Variants in ARSB observed in about 807,000 individuals in gnomAD.
ARSB encodes N-acetylgalactosamine-4-sulfatase.
A neutral mutation model predicts 50.9 loss-of-function variants in ARSB; 41 were observed. The ratio of observed to expected loss-of-function variants is 0.81; its 90% confidence interval spans 0.63 to 1.04. The LOEUF (loss-of-function observed/expected upper bound fraction) is 1.04. Among genes scored for constraint, ARSB ranks in the 50% least tolerant of loss-of-function variants. The pLI, the probability that ARSB is intolerant of heterozygous loss-of-function variation, is 0.00. For missense variants in ARSB, 672 were observed against 693.3 expected (o/e 0.97, Z 0.35); for synonymous variants, 269 against 284.8 (o/e 0.94, Z 0.56).
chr5:78,895,351 A>G (rs974028260), intron 4 of ARSB, among the ~76,000 whole-genome samples: 5 of 152,232 alleles, frequency 3.3e-5, no homozygotes, highest in African/African-American at 1.2e-4. Flanking sequence ...ACTGACGTAT[A>G]TTGAAGACAC....
intron 6 of ARSB, among the ~76,000 whole-genome samples, chr5:78,790,372 A>G (rs769214704): frequency 1.3e-5 from 2 of 152,198 alleles, no homozygotes; most frequent in Non-Finnish European, 2.9e-5. Context: ...CGATACATTA[A>G]AAATGTCTAG....
rs565635570 is a variant in ARSB at position 78,906,589 on chromosome 5, C to T, written c.899-20762G>A. Among the ~76,000 whole-genome samples, 10 of 152,236 alleles carry T rather than the reference C, an allele frequency of 6.6e-5. No individual in the cohort carries two copies. The South Asian group carries it at 1.9e-3, about 28-fold the overall frequency. ...GACTTTATTCCCCATTCTCCATTCA[C>T]CTGATTTTGTTTTCTTCTCTGTCCC... On this transcript the variant is annotated intron_variant, in intron 4 of 7. Coordinates refer to ENST00000264914, the MANE Select transcript of ARSB (RefSeq NM_000046.5).
intron 5 of ARSB, among the ~76,000 whole-genome samples, chr5:78,865,208 G>A (rs915960828): frequency 2.0e-5 from 3 of 152,176 alleles, no homozygotes; most frequent in African/African-American, 7.2e-5. Flanking sequence ...ACTCTTGCCT[G>A]GGCATCCAGG....
intron 4 of ARSB, among the ~76,000 whole-genome samples, chr5:78,935,210 G>C (rs1041425207): frequency 6.6e-6 from 1 of 152,142 alleles, no homozygotes; most frequent in African/African-American, 2.4e-5. Flanking sequence ...GAAAGTATCA[G>C]AGGAAATAAT....
intron 4 of ARSB, among the ~76,000 whole-genome samples, chr5:78,948,415 T>C (rs987925514): frequency 3.3e-5 from 5 of 152,130 alleles, no homozygotes; most frequent in Admixed American, 6.6e-5. Context: ...TCCATAAATA[T>C]ATATTTATAC....
Position 78,780,161 on chromosome 5 carries a change from G to A in ARSB, c.*236C>T. On this transcript the variant is annotated 3_prime_UTR_variant, in exon 8 of 8. Coordinates refer to ENST00000264914, the MANE Select transcript of ARSB (RefSeq NM_000046.5). The stretch of plus-strand genomic sequence containing the variant: ...CAGCTGTCCCAAGGCTTAGGAAAGG[G>A]GGATAAACCCAGCCACCCCCACCTC... 1 of 544,632 alleles carries A rather than the reference G, an allele frequency of 1.8e-6. No individual in the cohort carries two copies. The highest frequency in any genetic ancestry group is 3.3e-6 in the Non-Finnish European group (1 of 304,964). 33.7% of individuals were successfully genotyped at this position (544,632 alleles called of 1,614,324 possible). A position where few individuals can be genotyped will look rare whatever the true frequency, so the allele number is the denominator to read the frequency against.
At chr5:78,851,451 A>G (rs1395713380) in intron 5 of ARSB, among the ~76,000 whole-genome samples, 1 of 152,138 alleles carries the variant, frequency 6.6e-6, no homozygotes. Context: ...CTGTTCTATT[A>G]CATTTGCTGA....
At chr5:78,876,854 AG>A (rs1747504730) in intron 5 of ARSB, among the ~76,000 whole-genome samples, 1 of 152,212 alleles carries the variant, frequency 6.6e-6, no homozygotes, top group Non-Finnish European at 1.5e-5. Context: ...GCCTTCTGTC[AG>A]ATTAGTGGCA....
intron 4 of ARSB, among the ~76,000 whole-genome samples, chr5:78,945,130 C>T (rs1227421375): frequency 2.6e-5 from 4 of 152,180 alleles, no homozygotes; most frequent in Admixed American, 6.5e-5. Context: ...ATTGGAAAAG[C>T]GCAGTATTAG....
chr5:78,984,091 C>T (rs1753035897), intron 1 of ARSB, among the ~76,000 whole-genome samples: 1 of 152,144 alleles, frequency 6.6e-6, no homozygotes, highest in Admixed American at 6.5e-5. Context: ...AAAAGCACAA[C>T]GGACACTGCC....
chr5:78,885,207 A>G, intron 5 of ARSB: 1 of 298,802 alleles, frequency 3.3e-6, no homozygotes, highest in Non-Finnish European at 6.1e-6. Context: ...CCTAGTTCCT[A>G]TTCCAGCTTT....
At chr5:78,801,624 C>T (rs1743396190) in intron 6 of ARSB, among the ~76,000 whole-genome samples, 1 of 152,184 alleles carries the variant, frequency 6.6e-6, no homozygotes, top group Admixed American at 6.5e-5. Context: ...GTCATCTGCC[C>T]TGTCTCCTTC....
At chr5:78,780,950 G>A (rs1409143907) in intron 7 of ARSB, among the ~76,000 whole-genome samples, 4 of 152,184 alleles carry the variant, frequency 2.6e-5, no homozygotes, top group Admixed American at 6.5e-5. Flanking sequence ...TAGTGGGCAT[G>A]AGCTAGTGAT....
chr5:78,867,287 CG>C (rs1272889686), intron 5 of ARSB, among the ~76,000 whole-genome samples: 2 of 151,972 alleles, frequency 1.3e-5, no homozygotes, highest in East Asian at 1.9e-4. Context: ...ACAAAGCAGC[CG>C]GGAAGCTCGA....
intron 4 of ARSB, among the ~76,000 whole-genome samples, chr5:78,941,022 A>G (rs948624669): frequency 6.6e-6 from 1 of 150,598 alleles, no homozygotes; most frequent in Non-Finnish European, 1.5e-5. Flanking sequence ...TTGGATTCCT[A>G]GGTATTTTAT....
At chr5:78,979,886 G>T (rs755186585) in intron 1 of ARSB, among the ~76,000 whole-genome samples, 1 of 152,112 alleles carries the variant, frequency 6.6e-6, no homozygotes, top group African/African-American at 2.4e-5. Flanking sequence ...GCCAAAAAGC[G>T]CAAACAACCT....
In ARSB at chr5:78,969,203, T is replaced by C. The variant is rs1752342360; in HGVS notation, c.313-11A>G. The C allele has an allele frequency of 2.0e-5, 33 of 1,613,816 alleles. No homozygotes were observed. The highest frequency in any genetic ancestry group is 2.8e-5 in the Non-Finnish European group (33 of 1,179,756). ...TAAACCTGTACGGATCTTACAGAGA[T>C]AAACATAAAATTATAGATTAATGAC... On this transcript the variant is annotated splice_polypyrimidine_tract_variant and intron_variant, in intron 1 of 7. Coordinates refer to ENST00000264914, the MANE Select transcript of ARSB (RefSeq NM_000046.5).
chr5:78,953,483 G>A (rs1236591902), intron 4 of ARSB, among the ~76,000 whole-genome samples: 3 of 152,210 alleles, frequency 2.0e-5, no homozygotes, highest in Admixed American at 6.5e-5. Flanking sequence ...TTAGAACTGC[G>A]TCCCACACAT....
At chr5:78,903,970 T>C (rs60017661) in intron 4 of ARSB, among the ~76,000 whole-genome samples, 5,704 of 152,282 alleles carry the variant, frequency 0.037, 352 homozygotes, top group African/African-American at 0.13. Context: ...CACTGTGATA[T>C]AACTCCTTTG....
Sources: allele counts gnomAD v4.1 joint callset (sites outside exome capture counted in the v4.1 genomes callset), GRCh38; gene constraint gnomAD v4.1.1; transcripts MANE v1.5; gene names NCBI Gene and HGNC (gene_info 2026-07-23, HGNC 2026-07-21).